Variants in MDGA2 observed in about 807,000 individuals in gnomAD.
MDGA2 encodes the protein MAM domain-containing glycosylphosphatidylinositol anchor protein 2.
A neutral mutation model predicts 117.8 loss-of-function variants in MDGA2; 40 were observed. The observed-to-expected ratio is 0.34, with a 90% CI of 0.26 to 0.44. The LOEUF (loss-of-function observed/expected upper bound fraction) is 0.44. MDGA2 is among the 20% of genes least tolerant of loss of function. The pLI is 1.00. For synonymous variants in MDGA2, 452 were observed against 439.0 expected (o/e 1.03, Z -0.37); for missense variants, 1,123 against 1,250.6 (o/e 0.90, Z 1.54).
At chr14:46,849,604 A>G (rs1880979527) in intron 15 of MDGA2, among the ~76,000 whole-genome samples, 1 of 151,918 alleles carries the variant, frequency 6.6e-6, no homozygotes, top group African/African-American at 2.4e-5. Context: ...ATTTGTAAAA[A>G]TAAATCTTTG....
intron 1 of MDGA2, among the ~76,000 whole-genome samples, chr14:47,326,283 G>A (rs1393369042): frequency 1.3e-5 from 2 of 151,998 alleles, no homozygotes; most frequent in African/African-American, 4.8e-5. Flanking sequence ...CTTAAAATGT[G>A]CCAAGAACTA....
chr14:47,136,197 CTTTT>C (rs34818512), intron 4 of MDGA2, among the ~76,000 whole-genome samples: 36 of 131,026 alleles, frequency 2.7e-4, no homozygotes, highest in Admixed American at 1.0e-3. Context: ...TGTTTTCTCT[CTTTT>C]TTTTTTTTTT....
intron 7 of MDGA2, among the ~76,000 whole-genome samples, chr14:47,054,982 G>A (rs979516842): frequency 1.5e-5 from 2 of 135,974 alleles, no homozygotes; most frequent in East Asian, 2.3e-4. Context: ...TGTCCCCGTT[G>A]TCCAATTTTT....
intron 2 of MDGA2, among the ~76,000 whole-genome samples, chr14:47,220,354 G>A (rs1886254787): frequency 6.6e-6 from 1 of 152,158 alleles, no homozygotes; most frequent in Non-Finnish European, 1.5e-5. Flanking sequence ...ACTCCCTAAT[G>A]TTGTCTTTCC....
At chr14:47,167,767 A>C (rs1404423276) in intron 3 of MDGA2, among the ~76,000 whole-genome samples, 1 of 152,216 alleles carries the variant, frequency 6.6e-6, no homozygotes, top group South Asian at 2.1e-4. Flanking sequence ...GTGAGTGGTT[A>C]TATGAACAAA....
intron 3 of MDGA2, among the ~76,000 whole-genome samples, chr14:47,186,591 A>G (rs763337216): frequency 6.6e-6 from 1 of 151,912 alleles, no homozygotes; most frequent in Non-Finnish European, 1.5e-5. Flanking sequence ...GAGGATTACA[A>G]GTAAGGAAAC....
intron 1 of MDGA2, among the ~76,000 whole-genome samples, chr14:47,629,569 G>A (rs1897216205): frequency 1.3e-5 from 2 of 152,186 alleles, no homozygotes; most frequent in Non-Finnish European, 1.5e-5. Context: ...GAATGAAGTT[G>A]TAACTAGTTC....
At chr14:47,593,728 G>A (rs1169106862) in intron 1 of MDGA2, among the ~76,000 whole-genome samples, 4 of 152,098 alleles carry the variant, frequency 2.6e-5, no homozygotes, top group African/African-American at 9.7e-5. Context: ...GCCTGTTGGG[G>A]GATGGGGGAG....
At position 47,603,500 on chromosome 14, in the gene MDGA2, A is replaced by G. The variant is rs116220186; in HGVS notation, c.280+71017T>C. On this transcript the variant is annotated intron_variant, in intron 1 of 16. Transcript: ENST00000399232. Reference sequence around the variant, plus strand: ...CTATGCCCGGTCATTCCACCGAACTAACAAGATACCTATATTCTGCATAAT... The same window carrying G: ...CTATGCCCGGTCATTCCACCGAACTGACAAGATACCTATATTCTGCATAAT... Among the ~76,000 whole-genome samples, 126 of 152,274 alleles carry G rather than the reference A, an allele frequency of 8.3e-4. 1 individual carries two copies. Among genetic ancestry groups the G allele is most frequent in the African/African-American group, 3.0e-3 (124 of 41,576 alleles).
At chr14:47,328,569 C>T (rs1233250456) in intron 1 of MDGA2, among the ~76,000 whole-genome samples, 1 of 152,128 alleles carries the variant, frequency 6.6e-6, no homozygotes, top group Non-Finnish European at 1.5e-5. Flanking sequence ...AGCCTGTACT[C>T]TTGGAACTAA....
At chr14:47,291,944 C>T (rs918790007) in intron 2 of MDGA2, among the ~76,000 whole-genome samples, 4 of 152,098 alleles carry the variant, frequency 2.6e-5, no homozygotes, top group Non-Finnish European at 4.4e-5. Flanking sequence ...ACTGTCTATC[C>T]CACATAAGAG....
intron 5 of MDGA2, among the ~76,000 whole-genome samples, chr14:47,104,554 C>T (rs1266532040): frequency 6.7e-6 from 1 of 149,446 alleles, no homozygotes; most frequent in Non-Finnish European, 1.5e-5. Flanking sequence ...ATAAAACGGC[C>T]CCACCCTTAT....
intron 6 of MDGA2, among the ~76,000 whole-genome samples, chr14:47,068,339 TAA>T (rs1291492290): frequency 1.3e-5 from 2 of 151,222 alleles, no homozygotes; most frequent in Non-Finnish European, 2.9e-5. Context: ...AAAAGTGAAC[TAA>T]AATAATAACA....
At chr14:47,434,658 A>G (rs1892862593) in intron 1 of MDGA2, among the ~76,000 whole-genome samples, 1 of 152,150 alleles carries the variant, frequency 6.6e-6, no homozygotes, top group Non-Finnish European at 1.5e-5. Context: ...CATCACAAAG[A>G]TATATGGGAA....
At chr14:47,385,447 A>G (rs1304968501) in intron 1 of MDGA2, among the ~76,000 whole-genome samples, 2 of 152,176 alleles carry the variant, frequency 1.3e-5, no homozygotes. Flanking sequence ...TTATCTATCA[A>G]AATAAAAATT....
At chr14:47,354,556 C>T (rs761557117) in intron 1 of MDGA2, among the ~76,000 whole-genome samples, 2 of 152,280 alleles carry the variant, frequency 1.3e-5, no homozygotes, top group Non-Finnish European at 2.9e-5. Context: ...CCTGTGCTGC[C>T]GCTACTCCAC....
At chr14:47,042,627 A>G (rs1889119376) in intron 7 of MDGA2, among the ~76,000 whole-genome samples, 1 of 152,130 alleles carries the variant, frequency 6.6e-6, no homozygotes, top group Admixed American at 6.6e-5. Flanking sequence ...TGAAGTTTTG[A>G]GAAGTCACAA....
intron 1 of MDGA2, among the ~76,000 whole-genome samples, chr14:47,598,497 AAAT>A (rs1384592450): frequency 6.6e-6 from 1 of 152,240 alleles, no homozygotes; most frequent in African/African-American, 2.4e-5. Flanking sequence ...TCAGCCATAA[AAAT>A]AATGAAATTT....
At position 47,490,515 on chromosome 14, in the gene MDGA2, C is replaced by T. The variant is rs146998006; in HGVS notation, c.280+184002G>A. The stretch of plus-strand genomic sequence containing the variant: ...ATGAAGATTCATTTTGAAATCAAAT[C>T]AGGTGGTGTAGTCTGTCTCCTCTAC... On this transcript the variant is annotated intron_variant, in intron 1 of 16. Coordinates refer to ENST00000399232, the MANE Select transcript of MDGA2 (RefSeq NM_001113498.3). Among the ~76,000 whole-genome samples the T allele has an allele frequency of 1.7e-3, 259 of 152,086 alleles. 3 individuals carry two copies. Among genetic ancestry groups the T allele is most frequent in the African/African-American group, 6.1e-3 (254 of 41,516 alleles).
Sources: allele counts gnomAD v4.1 joint callset (sites outside exome capture counted in the v4.1 genomes callset), GRCh38; gene constraint gnomAD v4.1.1; transcripts MANE v1.5; gene names NCBI Gene and HGNC (gene_info 2026-07-23, HGNC 2026-07-21).